The following ARSB variants were observed in gnomAD, a reference collection of about 807,000 sequenced individuals.
ARSB encodes the protein arylsulfatase B.
In ARSB, 41 loss-of-function variants were observed where a neutral mutation model predicts 50.9. The observed-to-expected ratio is 0.81, with a 90% CI of 0.63 to 1.04. The LOEUF (loss-of-function observed/expected upper bound fraction) is 1.04, where lower values mean the gene tolerates loss of function less well. Ranked by LOEUF, ARSB falls within the 50% of genes least tolerant of loss-of-function variation. The probability of loss-of-function intolerance (pLI) is 0.00; values close to 1 mark genes in which losing one functional copy is unlikely to be tolerated. For missense variants in ARSB, 672 were observed against 693.3 expected (o/e 0.97, Z 0.35); for synonymous variants, 269 against 284.8 (o/e 0.94, Z 0.56).
chr5:78,859,518 G>A (rs898957692), intron 5 of ARSB, among the ~76,000 whole-genome samples: 1 of 152,034 alleles, frequency 6.6e-6, no homozygotes, highest in African/African-American at 2.4e-5. Flanking sequence ...GATGAAAACT[G>A]GCAACAGCGT....
chr5:78,943,411 G>C (rs1473705123), intron 4 of ARSB, among the ~76,000 whole-genome samples: 2 of 152,174 alleles, frequency 1.3e-5, no homozygotes, highest in African/African-American at 2.4e-5. Flanking sequence ...TGCAGTGGCT[G>C]GTATCAGTTG....
intron 5 of ARSB, among the ~76,000 whole-genome samples, chr5:78,866,114 ACTGTATTACTCTGTTTT>A (rs1746711929): frequency 6.6e-6 from 1 of 152,062 alleles, no homozygotes; most frequent in Non-Finnish European, 1.5e-5. Context: ...GGGCCAATTT[ACTGTATTACTCTGTTTT>A]CATGCTGCTG....
At position 78,779,962 on chromosome 5, in the gene ARSB, C is replaced by T. The variant is rs773033700; in HGVS notation, c.*435G>A. ...TTCACCGACAGGGAGAAGCCTTGGCCAACAGAACCATTAATCACTGTCTGC... is the reference window on the plus strand; with the variant it reads ...TTCACCGACAGGGAGAAGCCTTGGCTAACAGAACCATTAATCACTGTCTGC... On this transcript the variant is annotated 3_prime_UTR_variant, in exon 8 of 8. Coordinates refer to ENST00000264914, the MANE Select transcript of ARSB (RefSeq NM_000046.5). 2.2e-5 allele frequency: 5 copies of T among 226,406 alleles called. No individual in the cohort carries two copies. Among genetic ancestry groups the T allele is most frequent in the Non-Finnish European group, 4.4e-5 (5 of 113,268 alleles). The allele number at this position is 226,406 out of a possible 1,614,324, so 14.0% of individuals were successfully genotyped here.
chr5:78,847,118 T>A (rs1745480651), intron 5 of ARSB, among the ~76,000 whole-genome samples: 1 of 152,142 alleles, frequency 6.6e-6, no homozygotes, highest in African/African-American at 2.4e-5. Context: ...TAATGGTGAA[T>A]GATCTTTTAA....
intron 1 of ARSB, among the ~76,000 whole-genome samples, chr5:78,976,412 CT>C (rs1192959006): frequency 6.6e-6 from 1 of 151,192 alleles, no homozygotes; most frequent in African/African-American, 2.4e-5. Context: ...ATCTACCCCC[CT>C]GCCCCCGGGT....
chr5:78,790,377 G>A (rs975986134), intron 6 of ARSB, among the ~76,000 whole-genome samples: 8 of 152,160 alleles, frequency 5.3e-5, no homozygotes, highest in African/African-American at 1.9e-4. Flanking sequence ...CATTAAAAAT[G>A]TCTAGTACTA....
At chr5:78,849,973 G>A (rs1452545460) in intron 5 of ARSB, among the ~76,000 whole-genome samples, 1 of 151,554 alleles carries the variant, frequency 6.6e-6, no homozygotes, top group Non-Finnish European at 1.5e-5. Flanking sequence ...TGAGACGATG[G>A]GGTTTTCTAG....
chr5:78,806,056 G>A (rs568571309), intron 6 of ARSB, among the ~76,000 whole-genome samples: 6 of 152,296 alleles, frequency 3.9e-5, no homozygotes, highest in East Asian at 3.9e-4. Flanking sequence ...TTCTGTGAGC[G>A]TTAAATGCAC....
intron 3 of ARSB, among the ~76,000 whole-genome samples, chr5:78,962,747 C>T (rs1317812980): frequency 1.3e-5 from 2 of 151,922 alleles, no homozygotes; most frequent in African/African-American, 4.8e-5. Context: ...TAATGAATGT[C>T]AGGAGTTGTA....
intron 5 of ARSB, among the ~76,000 whole-genome samples, chr5:78,848,074 T>C (rs888122198): frequency 1.1e-4 from 16 of 150,826 alleles, no homozygotes; most frequent in Non-Finnish European, 2.1e-4. Context: ...ATTATTATTT[T>C]ATTATTATTA....
At chr5:78,873,613 A>G (rs1747338636) in intron 5 of ARSB, among the ~76,000 whole-genome samples, 1 of 141,774 alleles carries the variant, frequency 7.1e-6, no homozygotes, top group Non-Finnish European at 1.5e-5. Context: ...CTCCTGCCTC[A>G]GCCTCCCAAG....
chr5:78,863,180 A>G (rs1431355862), intron 5 of ARSB, among the ~76,000 whole-genome samples: 1 of 152,220 alleles, frequency 6.6e-6, no homozygotes, highest in Non-Finnish European at 1.5e-5. Context: ...TAGTTCAACC[A>G]TTGTGGAAGA....
chr5:78,868,619 T>C (rs1746939242), intron 5 of ARSB, among the ~76,000 whole-genome samples: 2 of 147,788 alleles, frequency 1.4e-5, no homozygotes, highest in Non-Finnish European at 3.0e-5. Flanking sequence ...TGCTGACCGA[T>C]TTTGTCACCA....
intron 3 of ARSB, among the ~76,000 whole-genome samples, chr5:78,959,173 A>G (rs1751874578): frequency 6.6e-6 from 1 of 152,120 alleles, no homozygotes; most frequent in Non-Finnish European, 1.5e-5. Context: ...TGGTTTTATA[A>G]GGCGCTTTTC....
At chr5:78,852,435 C>G (rs1396899526) in intron 5 of ARSB, among the ~76,000 whole-genome samples, 3 of 152,220 alleles carry the variant, frequency 2.0e-5, no homozygotes, top group East Asian at 1.9e-4. Flanking sequence ...TGCTGTTAGT[C>G]TGATGGGCTT....
chr5:78,931,522 G>C (rs1230443883), intron 4 of ARSB, among the ~76,000 whole-genome samples: 2 of 151,942 alleles, frequency 1.3e-5, no homozygotes, highest in Non-Finnish European at 2.9e-5. Flanking sequence ...CCATTTCACT[G>C]CTCATTAATA....
At chr5:78,908,731 C>CT (rs34571367) in intron 4 of ARSB, among the ~76,000 whole-genome samples, 73,198 of 140,304 alleles carry the variant, frequency 0.52, 19,034 homozygotes, top group East Asian at 0.7. Context: ...CTGGCCAAGA[C>CT]TTTTTTTTTT....
chr5:78,828,033 A>C (rs958137385), intron 6 of ARSB, among the ~76,000 whole-genome samples: 1 of 152,192 alleles, frequency 6.6e-6, no homozygotes, highest in Admixed American at 6.5e-5. Context: ...TGTTTTAAAA[A>C]TTCTACAAAC....
intron 6 of ARSB, among the ~76,000 whole-genome samples, chr5:78,824,502 C>T (rs1197609507): frequency 6.6e-6 from 1 of 152,162 alleles, no homozygotes; most frequent in Non-Finnish European, 1.5e-5. Context: ...GGCCCCACCC[C>T]AGCCTGACTG....
Sources: allele counts gnomAD v4.1 joint callset (sites outside exome capture counted in the v4.1 genomes callset), GRCh38; gene constraint gnomAD v4.1.1; transcripts MANE v1.5; gene names NCBI Gene and HGNC (gene_info 2026-07-23, HGNC 2026-07-21).